Variants in SHISA9 observed in about 807,000 individuals in gnomAD.
The protein encoded by SHISA9 is shisa family member 9.
A neutral mutation model predicts 38.0 loss-of-function variants in SHISA9; 13 were observed. That is an observed-to-expected ratio of 0.34 (90% CI 0.22 to 0.54). SHISA9 has a LOEUF of 0.54. Among genes scored for constraint, SHISA9 ranks in the 20% least tolerant of loss-of-function variants. SHISA9 has a pLI of 0.91. For missense variants in SHISA9, 538 were observed against 575.8 expected, an observed-to-expected ratio of 0.93 and a Z score of 0.67; for synonymous variants, 275 against 242.0, an observed-to-expected ratio of 1.14 and a Z score of -1.27.
chr16:13,106,479 T>A (rs1312419371), intron 2 of SHISA9, among the ~76,000 whole-genome samples: 1 of 152,164 alleles, frequency 6.6e-6, no homozygotes, highest in Non-Finnish European at 1.5e-5. Flanking sequence ...GAAGATTTGG[T>A]GACATGATGC....
the SHISA9 span, among the ~76,000 whole-genome samples, chr16:13,524,270 C>G: frequency 6.6e-6 from 1 of 152,178 alleles, no homozygotes; most frequent in East Asian, 1.9e-4. Context: ...GTTTCTTGGG[C>G]TGGACTCCAC....
chr16:13,264,230 A>G, the SHISA9 span, among the ~76,000 whole-genome samples: 2 of 144,404 alleles, frequency 1.4e-5, no homozygotes, highest in African/African-American at 5.2e-5. Flanking sequence ...GTTGGAGTTC[A>G]GTGGCATGAT....
chr16:13,259,340 T>C, the SHISA9 span, among the ~76,000 whole-genome samples: 1 of 152,202 alleles, frequency 6.6e-6, no homozygotes, highest in Non-Finnish European at 1.5e-5. Flanking sequence ...GCCTCCCTCC[T>C]GGCTGCTTTC....
intron 2 of SHISA9, among the ~76,000 whole-genome samples, chr16:13,084,863 G>A (rs1486767077): frequency 6.6e-6 from 1 of 152,204 alleles, no homozygotes; most frequent in Non-Finnish European, 1.5e-5. Context: ...ATTCCAGGCA[G>A]ACGGAACAGC....
At chr16:13,149,350 G>A (rs962633201) in intron 2 of SHISA9, among the ~76,000 whole-genome samples, 1 of 152,140 alleles carries the variant, frequency 6.6e-6, no homozygotes, top group African/African-American at 2.4e-5. Context: ...AGAGGCTATC[G>A]TTCAATGCCT....
chr16:13,163,190 G>T (rs917097460), intron 2 of SHISA9, among the ~76,000 whole-genome samples: 7 of 152,112 alleles, frequency 4.6e-5, no homozygotes, highest in East Asian at 3.9e-4. Flanking sequence ...CACTAAAAAA[G>T]AAATGAGAAA....
chr16:13,408,115 G>T, the SHISA9 span, among the ~76,000 whole-genome samples: 1 of 150,836 alleles, frequency 6.6e-6, no homozygotes, highest in Non-Finnish European at 1.5e-5. Flanking sequence ...GCTCTTTAGG[G>T]TTTCTTAGAT....
chr16:13,176,804 A>G (rs1333500816), intron 2 of SHISA9, among the ~76,000 whole-genome samples: 3 of 152,142 alleles, frequency 2.0e-5, no homozygotes, highest in Non-Finnish European at 4.4e-5. Flanking sequence ...CTCAAGACAG[A>G]TAATGGCCTT....
At chr16:13,531,003 G>C in the SHISA9 span, among the ~76,000 whole-genome samples, 1 of 152,092 alleles carries the variant, frequency 6.6e-6, no homozygotes, top group Non-Finnish European at 1.5e-5. Context: ...CCAGCCTAGG[G>C]GTAAAGCCAA....
At chr16:13,352,381 A>G in the SHISA9 span, among the ~76,000 whole-genome samples, 1 of 152,202 alleles carries the variant, frequency 6.6e-6, no homozygotes, top group Non-Finnish European at 1.5e-5. Flanking sequence ...GTATGATCAC[A>G]ATGAAGTTCA....
At chr16:13,177,149 G>C (rs1448497904) in intron 2 of SHISA9, among the ~76,000 whole-genome samples, 1 of 152,142 alleles carries the variant, frequency 6.6e-6, no homozygotes, top group Non-Finnish European at 1.5e-5. Flanking sequence ...ATGAAAATCT[G>C]CACTTTGTTT....
the SHISA9 span, among the ~76,000 whole-genome samples, chr16:13,432,646 T>C: frequency 6.6e-6 from 1 of 152,208 alleles, no homozygotes; most frequent in African/African-American, 2.4e-5. Flanking sequence ...ATTGTGGACC[T>C]ACTATGTTCA....
chr16:13,348,821 G>A, the SHISA9 span, among the ~76,000 whole-genome samples: 1 of 151,996 alleles, frequency 6.6e-6, no homozygotes, highest in Non-Finnish European at 1.5e-5. Context: ...GGAACAACTT[G>A]TCTTTTTACC....
At chr16:13,497,693 A>AG in the SHISA9 span, among the ~76,000 whole-genome samples, 30 of 151,506 alleles carry the variant, frequency 2.0e-4, no homozygotes, top group Non-Finnish European at 4.4e-4. Context: ...TCCAAAAAAA[A>AG]AAAAAAAAGA....
intron 1 of SHISA9, chr16:12,910,499 T>C (rs2071168051): frequency 4.1e-6 from 4 of 985,460 alleles, no homozygotes; most frequent in African/African-American, 1.7e-5. Context: ...AGCACTTTTA[T>C]AAGTACTGGT....
chr16:13,191,248 G>T (rs1278108219), intron 2 of SHISA9, among the ~76,000 whole-genome samples: 1 of 152,188 alleles, frequency 6.6e-6, no homozygotes, highest in Admixed American at 6.5e-5. Flanking sequence ...GTTCTTATGA[G>T]ACTAACTAGT....
chr16:13,176,919 T>C (rs2050736468), intron 2 of SHISA9, among the ~76,000 whole-genome samples: 1 of 152,120 alleles, frequency 6.6e-6, no homozygotes, highest in Admixed American at 6.6e-5. Context: ...CTGTTATTCA[T>C]CTGAGTGGTT....
chr16:13,095,823 C>G (rs1199307634), intron 2 of SHISA9, among the ~76,000 whole-genome samples: 1 of 152,226 alleles, frequency 6.6e-6, no homozygotes, highest in African/African-American at 2.4e-5. Context: ...CGCAATGGCT[C>G]TCAAACTTGA....
intron 2 of SHISA9, among the ~76,000 whole-genome samples, chr16:12,988,926 A>AAC (rs1330043899): frequency 1.3e-5 from 2 of 152,222 alleles, no homozygotes; most frequent in African/African-American, 4.8e-5. Flanking sequence ...ACAACCTGCC[A>AAC]ACACCTTGCT....
Sources: allele counts gnomAD v4.1 joint callset (sites outside exome capture counted in the v4.1 genomes callset), GRCh38; gene constraint gnomAD v4.1.1; transcripts MANE v1.5; gene names NCBI Gene and HGNC (gene_info 2026-07-23, HGNC 2026-07-21).